SHANK2: variants seen among roughly 807,000 people sequenced by gnomAD.
The protein encoded by SHANK2 is SH3 and multiple ankyrin repeat domains 2, also known as SH3 and multiple ankyrin repeat domains protein 2.
In SHANK2, 43 loss-of-function variants were observed where a neutral mutation model predicts 133.7. The observed-to-expected ratio is 0.32, with a 90% CI of 0.25 to 0.41. The LOEUF is 0.41. SHANK2 is among the 10% of genes least tolerant of loss of function. The pLI is 1.00. For missense variants in SHANK2, 1,994 were observed against 2,235.8 expected (o/e 0.89, Z 2.18); for synonymous variants, 1,017 against 952.8 (o/e 1.07, Z -1.24).
intron 4 of SHANK2, among the ~76,000 whole-genome samples, chr11:71,115,782 C>T (rs899169173): frequency 2.0e-4 from 31 of 152,214 alleles, no homozygotes; most frequent in Middle Eastern, 3.4e-3. Context: ...GTTTTCCTGC[C>T]GTTATGGAAA....
chr11:70,642,871 T>C (rs1335694404), intron 17 of SHANK2, among the ~76,000 whole-genome samples: 1 of 152,208 alleles, frequency 6.6e-6, no homozygotes, highest in African/African-American at 2.4e-5. Flanking sequence ...AAAAAGTTAC[T>C]TTACAGAAGA....
chr11:70,773,134 G>A (rs1355285006), intron 14 of SHANK2, among the ~76,000 whole-genome samples: 20 of 152,178 alleles, frequency 1.3e-4, no homozygotes, highest in African/African-American at 3.1e-4. Context: ...TCTAGAACTT[G>A]TAGGAGGAGC....
chr11:71,116,347 C>T lies in SHANK2; in HGVS notation c.411+2482G>A, dbSNP rs187693460. ...AGGAGTAGAAATGATCCGTTTCTGG[C>T]TTCTCTTAACTGACGTAACCCAACA... On this transcript the variant is annotated intron_variant, in intron 4 of 25. Coordinates refer to ENST00000601538, the MANE Select transcript of SHANK2 (RefSeq NM_012309.5). Among the ~76,000 whole-genome samples, 11 of 152,368 alleles carry T rather than the reference C, an allele frequency of 7.2e-5. No individual in the cohort carries two copies. The East Asian group carries it at 2.1e-3, about 29-fold the overall frequency.
In SHANK2 at chr11:70,599,935, GAA is replaced by G. The variant is rs1342549096; in HGVS notation, c.2061+59891_2061+59892del. ...AGAAAGAAAGAAAGAAAGAAAGAAAGAAAGAAAGAAAGAAAGAAAGAAAGAAA... is the reference window on the plus strand; with the variant it reads ...AGAAAGAAAGAAAGAAAGAAAGAAAGAGAAAGAAAGAAAGAAAGAAAGAAA... On this transcript the variant is annotated intron_variant, in intron 17 of 25. Coordinates refer to ENST00000601538, the MANE Select transcript of SHANK2 (RefSeq NM_012309.5). 1.6e-4 allele frequency among the ~76,000 whole-genome samples: 20 copies of G among 124,088 alleles called. 2 individuals are homozygous for G. Among genetic ancestry groups the G allele is most frequent in the African/African-American group, 5.3e-4 (13 of 24,716 alleles). The allele number at this position is 124,088 out of a possible 152,430, so 81.4% of individuals were successfully genotyped here. A position where few individuals can be genotyped will look rare whatever the true frequency, so the allele number is the denominator to read the frequency against.
chr11:70,646,819 CT>C (rs1397114784), intron 17 of SHANK2, among the ~76,000 whole-genome samples: 2 of 106,040 alleles, frequency 1.9e-5, no homozygotes, highest in African/African-American at 3.6e-5. Flanking sequence ...AGGAATCTAA[CT>C]TTTATTTATT....
chr11:70,897,065 A>G (rs1191826064), intron 10 of SHANK2, among the ~76,000 whole-genome samples: 1 of 152,230 alleles, frequency 6.6e-6, no homozygotes. Flanking sequence ...CTACCCATAG[A>G]TGTATGCACA....
chr11:70,766,136 T>C (rs1947118062), intron 14 of SHANK2, among the ~76,000 whole-genome samples: 1 of 152,224 alleles, frequency 6.6e-6, no homozygotes, highest in African/African-American at 2.4e-5. Context: ...GAATGTTTTC[T>C]TGAACCTTTC....
At chr11:70,576,079 G>C (rs544959431) in intron 17 of SHANK2, among the ~76,000 whole-genome samples, 1 of 152,020 alleles carries the variant, frequency 6.6e-6, no homozygotes, top group African/African-American at 2.4e-5. Flanking sequence ...AGCATTTCAC[G>C]GGCTTAAATT....
intron 14 of SHANK2, among the ~76,000 whole-genome samples, chr11:70,788,787 C>A (rs1189573465): frequency 6.6e-6 from 1 of 152,180 alleles, no homozygotes; most frequent in African/African-American, 2.4e-5. Flanking sequence ...GACGAGGCCA[C>A]ACAGGGTGTC....
chr11:70,867,778 T>C (rs1180298291), intron 11 of SHANK2, among the ~76,000 whole-genome samples: 1 of 152,340 alleles, frequency 6.6e-6, no homozygotes, highest in African/African-American at 2.4e-5. Context: ...TAGGACTCTC[T>C]GTGAAGTTTC....
chr11:70,502,302 G>T lies in SHANK2; in HGVS notation c.2198-16C>A. The T allele has an allele frequency of 6.5e-7, 1 of 1,550,382 alleles. No individual in the cohort carries two copies. The highest frequency in any genetic ancestry group is 8.7e-7 in the Non-Finnish European group (1 of 1,146,926). On this transcript the variant is annotated splice_polypyrimidine_tract_variant and intron_variant, in intron 18 of 25. Transcript: ENST00000601538. Reference sequence around the variant, plus strand: ...GGCGGGGGAGCTGGAGGGCAGAGGAGAGATGGGTGTGAGACCCCAGCCCAT... The same window carrying T: ...GGCGGGGGAGCTGGAGGGCAGAGGATAGATGGGTGTGAGACCCCAGCCCAT...
chr11:70,757,041 A>G (rs1385136584), intron 14 of SHANK2, among the ~76,000 whole-genome samples: 1 of 152,116 alleles, frequency 6.6e-6, no homozygotes, highest in Non-Finnish European at 1.5e-5. Context: ...TATGGAGGGG[A>G]GCCGTGTGAA....
chr11:70,609,563 T>C (rs1554993545), intron 17 of SHANK2, among the ~76,000 whole-genome samples: 1 of 152,008 alleles, frequency 6.6e-6, no homozygotes, highest in Non-Finnish European at 1.5e-5. Flanking sequence ...CCAACGCACA[T>C]CCACTGGTGA....
intron 3 of SHANK2, among the ~76,000 whole-genome samples, chr11:71,132,311 C>T (rs1266944210): frequency 3.9e-5 from 6 of 152,152 alleles, no homozygotes; most frequent in Non-Finnish European, 7.4e-5. Flanking sequence ...TGATGATCTG[C>T]GGCCCTGGTA....
intron 11 of SHANK2, among the ~76,000 whole-genome samples, chr11:70,832,877 C>T (rs1379515792): frequency 3.3e-5 from 5 of 152,358 alleles, no homozygotes; most frequent in East Asian, 1.9e-4. Flanking sequence ...GCATCCTTAG[C>T]GTCCTCACTG....
intron 10 of SHANK2, among the ~76,000 whole-genome samples, chr11:70,905,321 C>T (rs1022042467): frequency 2.0e-5 from 3 of 152,188 alleles, no homozygotes; most frequent in South Asian, 2.1e-4. Context: ...GGGCTCAAGA[C>T]GCCCACCCGC....
intron 2 of SHANK2, among the ~76,000 whole-genome samples, chr11:71,201,447 A>G (rs1409742134): frequency 6.6e-6 from 1 of 152,204 alleles, no homozygotes; most frequent in Non-Finnish European, 1.5e-5. Flanking sequence ...CGCTGTGTCC[A>G]CTGCACTCCA....
chr11:71,220,840 C>T (rs549464605), intron 2 of SHANK2, among the ~76,000 whole-genome samples: 10 of 152,192 alleles, frequency 6.6e-5, no homozygotes, highest in East Asian at 3.9e-4. Flanking sequence ...GTTCTGGAGA[C>T]GGTTGGTGGC....
chr11:70,721,211 CTT>C (rs1468451423), intron 14 of SHANK2, among the ~76,000 whole-genome samples: 2 of 152,222 alleles, frequency 1.3e-5, no homozygotes, highest in African/African-American at 4.8e-5. Context: ...GCAAGCAGCT[CTT>C]GAGTTTCATT....
Sources: allele counts gnomAD v4.1 joint callset (sites outside exome capture counted in the v4.1 genomes callset), GRCh38; gene constraint gnomAD v4.1.1; transcripts MANE v1.5; gene names NCBI Gene and HGNC (gene_info 2026-07-23, HGNC 2026-07-21).